Variants in ZNF469 observed in about 807,000 individuals in gnomAD.
The protein encoded by ZNF469 is zinc finger protein 469.
A neutral mutation model predicts 1.0 loss-of-function variants in ZNF469; 1 was observed. That is an observed-to-expected ratio of 1.00 (90% CI 0.35 to 4.73). ZNF469 has a LOEUF of 4.73. ZNF469 is among the 30% of genes most tolerant of loss of function. ZNF469 has a pLI of 0.16. For missense variants in ZNF469, 6,100 were observed against 5,356.3 expected (o/e 1.14, Z -4.33); for synonymous variants, 2,703 against 2,363.4 (o/e 1.14, Z -4.17).
the ZNF469 span, among the ~76,000 whole-genome samples, chr16:88,273,081 G>A: frequency 6.6e-6 from 1 of 152,094 alleles, no homozygotes; most frequent in Non-Finnish European, 1.5e-5. Context: ...GGATAAATGG[G>A]TGGATGGATA....
chr16:88,276,481 C>A, the ZNF469 span: 3 of 152,194 alleles, frequency 2.0e-5, no homozygotes, highest in Non-Finnish European at 4.4e-5. Flanking sequence ...CAGAGTCCTC[C>A]GGAGGCTGAG....
upstream of ZNF469, among the ~76,000 whole-genome samples, chr16:88,379,427 A>C (rs936626228): frequency 1.3e-5 from 2 of 152,066 alleles, no homozygotes; most frequent in African/African-American, 4.8e-5. Flanking sequence ...AACTCCTTCC[A>C]GGAGGGGTGG....
the ZNF469 span, among the ~76,000 whole-genome samples, chr16:88,376,919 C>G: frequency 6.6e-6 from 1 of 152,198 alleles, no homozygotes; most frequent in East Asian, 1.9e-4. Context: ...TGCCCCGAGG[C>G]CCCCGAGGGC....
the ZNF469 span, among the ~76,000 whole-genome samples, chr16:88,322,129 C>T: frequency 6.6e-6 from 1 of 152,246 alleles, no homozygotes; most frequent in African/African-American, 2.4e-5. Context: ...GCAGGAGGTG[C>T]CGCCTGGGCT....
Position 88,387,764 on chromosome 16 carries a change from T to A in ZNF469, c.-192+4510T>A, listed in dbSNP as rs570968626. Among the ~76,000 whole-genome samples, 19 of 152,244 alleles carry A rather than the reference T, an allele frequency of 1.2e-4. No individual in the cohort carries two copies. In the South Asian group the frequency reaches 1.4e-3, roughly 12 times the overall value. On this transcript the variant is annotated intron_variant, in intron 1 of 2. Coordinates refer to ENST00000565624, the MANE Select transcript of ZNF469 (RefSeq NM_001367624.2). ...CGCTGGGTGCTCACCTGGCCCACCC[T>A]AGTATGGTGGACCTGGGGCTCCTGC...
the ZNF469 span, among the ~76,000 whole-genome samples, chr16:88,339,057 C>T: frequency 6.6e-6 from 1 of 150,992 alleles, no homozygotes; most frequent in Non-Finnish European, 1.5e-5. Flanking sequence ...AGGGCTGCTG[C>T]GTCCTGGAGG....
At chr16:88,327,667 C>T in the ZNF469 span, among the ~76,000 whole-genome samples, 1 of 152,132 alleles carries the variant, frequency 6.6e-6, no homozygotes, top group Non-Finnish European at 1.5e-5. Flanking sequence ...TCCCTCCTCT[C>T]CGCTCCTCCA....
chr16:88,187,658 CA>C, the ZNF469 span, among the ~76,000 whole-genome samples: 1 of 151,462 alleles, frequency 6.6e-6, no homozygotes, highest in African/African-American at 2.4e-5. Flanking sequence ...GGAAGAATCC[CA>C]AATGTGGTTT....
the ZNF469 span, among the ~76,000 whole-genome samples, chr16:88,213,468 G>T: frequency 6.6e-6 from 1 of 152,182 alleles, no homozygotes; most frequent in Non-Finnish European, 1.5e-5. Flanking sequence ...AATGGACAGG[G>T]TTGGCAAGTT....
At chr16:88,152,207 A>G in the ZNF469 span, among the ~76,000 whole-genome samples, 2 of 152,210 alleles carry the variant, frequency 1.3e-5, no homozygotes, top group African/African-American at 4.8e-5. This position sits in a 1 kb window ranked among gnomAD's most constrained non-coding sequence, Gnocchi z 4.2. Context: ...AATGTGTTGA[A>G]AAAATCACCA....
the ZNF469 span, among the ~76,000 whole-genome samples, chr16:88,372,724 TATC>T: frequency 7.3e-5 from 10 of 137,640 alleles, 1 homozygote; most frequent in Admixed American, 3.6e-4. Context: ...ATCATGATCT[TATC>T]ATCTTCACCA....
chr16:88,167,896 G>A, the ZNF469 span, among the ~76,000 whole-genome samples: 4 of 152,212 alleles, frequency 2.6e-5, no homozygotes, highest in African/African-American at 9.7e-5. Flanking sequence ...TTGGCTTCGA[G>A]GAAGGAAGAA....
the ZNF469 span, among the ~76,000 whole-genome samples, chr16:88,141,556 T>C: frequency 0.69 from 31,925 of 46,370 alleles, 12,508 homozygotes; most frequent in Non-Finnish European, 0.83. Flanking sequence ...GGGAAAGAGG[T>C]CCTGGGAGGC....
the ZNF469 span, among the ~76,000 whole-genome samples, chr16:88,229,501 G>A: frequency 2.6e-5 from 4 of 151,772 alleles, no homozygotes; most frequent in African/African-American, 9.7e-5. Flanking sequence ...TGCTAGTCCT[G>A]TCTGAATGAT....
the ZNF469 span, among the ~76,000 whole-genome samples, chr16:88,352,620 G>A: frequency 6.6e-6 from 1 of 152,260 alleles, no homozygotes; most frequent in African/African-American, 2.4e-5. Context: ...CTGGTAGACG[G>A]GGCCGATGGT....
chr16:88,324,839 G>C, the ZNF469 span, among the ~76,000 whole-genome samples: 2 of 152,158 alleles, frequency 1.3e-5, no homozygotes, highest in Non-Finnish European at 2.9e-5. Context: ...GTGTTAGTCT[G>C]TTCTTGCACT....
At chr16:88,386,587 G>A (rs907722092) in intron 1 of ZNF469, among the ~76,000 whole-genome samples, 9 of 152,180 alleles carry the variant, frequency 5.9e-5, no homozygotes, top group African/African-American at 1.9e-4. Context: ...CTCAGCAGGC[G>A]CTGGCCGGTG....
the ZNF469 span, among the ~76,000 whole-genome samples, chr16:88,293,979 A>G: frequency 6.6e-6 from 1 of 152,210 alleles, no homozygotes; most frequent in Admixed American, 6.5e-5. Context: ...CTCTGAACCA[A>G]GATAAGCATC....
rs543846859 is a variant in ZNF469, at chr16:88,436,791, G to T, written c.9321G>T (p.Pro3107=). 1.3e-6 allele frequency: 2 copies of T among 1,544,030 alleles called. No individual in the cohort carries two copies. The highest frequency in any genetic ancestry group is 1.7e-6 in the Non-Finnish European group (2 of 1,146,122). The change falls in exon 3 of 3, where the codon CCG becomes CCT. Residue 3107 remains proline, a synonymous_variant. Transcript: ENST00000565624. The part of the protein sequence containing the change: ...GAGRAQGRGR[P]AKGRRASYKC... ...GGAGGGCCCAAGGCAGAGGCCGGCC[G>T]GCCAAGGGCAGGCGGGCCTCCTACA...
Sources: gnomAD v4.1 joint callset for allele counts (sites outside exome capture counted in the v4.1 genomes callset) on GRCh38, gnomAD v4.1.1 for gene constraint, Gnocchi (gnomAD v3.1) non-coding constraint, MANE v1.5 for transcripts, NCBI Gene and HGNC (gene_info 2026-07-23, HGNC 2026-07-21) for gene names.